The following CPEB1 variants were observed in gnomAD, a reference collection of about 807,000 sequenced individuals.
CPEB1 encodes cytoplasmic polyadenylation element binding protein 1, also known as cytoplasmic polyadenylation element-binding protein 1.
In CPEB1, 7 loss-of-function variants were observed where a neutral mutation model predicts 65.8. That is an observed-to-expected ratio of 0.11 (90% CI 0.06 to 0.20). The LOEUF (loss-of-function observed/expected upper bound fraction) is 0.20. CPEB1 is among the 10% of genes least tolerant of loss of function. The pLI is 1.00. For synonymous variants in CPEB1, 262 were observed against 260.0 expected (o/e 1.01, Z -0.08); for missense variants, 551 against 712.2 (o/e 0.77, Z 2.58).
chr15:82,583,330 T>G (rs977229630), intron 3 of CPEB1: 7 of 152,244 alleles, frequency 4.6e-5, no homozygotes, highest in Non-Finnish European at 8.8e-5. Flanking sequence ...CTAGTTTTAG[T>G]AAAACTAGTA....
At chr15:82,636,724 G>C (rs72751677) in intron 1 of CPEB1, among the ~76,000 whole-genome samples, 3 of 152,056 alleles carry the variant, frequency 2.0e-5, no homozygotes, top group Admixed American at 6.6e-5. Context: ...CACTGCCCCA[G>C]AATAGTATCT....
chr15:82,645,515 A>G (rs1293699055), intron 1 of CPEB1, among the ~76,000 whole-genome samples: 3 of 151,982 alleles, frequency 2.0e-5, no homozygotes, highest in African/African-American at 7.2e-5. Context: ...TCCTACTTCT[A>G]TAAACTGAGC....
At chr15:82,558,069 A>G (rs559610037) in intron 4 of CPEB1, 83 bp from the exon 5 acceptor site, 7 of 910,360 alleles carry the variant, frequency 7.7e-6, no homozygotes, top group African/African-American at 5.0e-5. Flanking sequence ...CAGCCACCCA[A>G]CAAGAGATAC....
intron 4 of CPEB1, among the ~76,000 whole-genome samples, chr15:82,565,630 A>G (rs968883222): frequency 2.6e-5 from 4 of 152,222 alleles, no homozygotes; most frequent in African/African-American, 9.6e-5. Flanking sequence ...ACACAACTTC[A>G]TAATTCCAAA....
intron 1 of CPEB1, among the ~76,000 whole-genome samples, chr15:82,642,868 C>T (rs1235093844): frequency 6.6e-6 from 1 of 152,186 alleles, no homozygotes; most frequent in East Asian, 1.9e-4. Context: ...ATACTAGCTA[C>T]TAAAAACAGT....
intron 1 of CPEB1, among the ~76,000 whole-genome samples, chr15:82,636,980 CAAT>C (rs2046715055): frequency 6.6e-6 from 1 of 152,132 alleles, no homozygotes; most frequent in Non-Finnish European, 1.5e-5. Flanking sequence ...CATTCTTCAT[CAAT>C]AAAAAAACAA....
intron 1 of CPEB1, among the ~76,000 whole-genome samples, chr15:82,634,197 T>TC (rs397785340): frequency 2.4e-4 from 36 of 151,792 alleles, no homozygotes; most frequent in African/African-American, 7.2e-4. Context: ...TTTTTTTTTT[T>TC]CCATCTATGG....
rs1002583732 is a variant in CPEB1 at position 82,606,662 on chromosome 15, C to A, written c.271+20531G>T. Among the ~76,000 whole-genome samples the A allele has an allele frequency of 1.2e-3, 122 of 99,428 alleles. 31 individuals are homozygous for A. The highest frequency in any genetic ancestry group is 4.5e-3 in the African/African-American group (106 of 23,358). 65.2% of individuals were successfully genotyped at this position (99,428 alleles called of 152,430 possible). ...TGAAACCCCGTCTCTACTAAAAATA[C>A]AAAAAATTAGCCGGGCGTAGTGGCG... On this transcript the variant is annotated intron_variant, in intron 3 of 12. Coordinates refer to ENST00000684509, the MANE Select transcript of CPEB1 (RefSeq NM_001365242.1).
At chr15:82,567,248 C>G (rs1567185354) in intron 4 of CPEB1, among the ~76,000 whole-genome samples, 1 of 152,160 alleles carries the variant, frequency 6.6e-6, no homozygotes, top group Admixed American at 6.5e-5. Context: ...AGACTCCCCA[C>G]TCATCTTAGG....
chr15:82,578,235 C>T (rs931641377), intron 3 of CPEB1, among the ~76,000 whole-genome samples: 19 of 152,300 alleles, frequency 1.2e-4, no homozygotes, highest in Non-Finnish European at 7.4e-5. Flanking sequence ...CTAGGTAAAA[C>T]GTCTTTTCAC....
intron 3 of CPEB1, among the ~76,000 whole-genome samples, chr15:82,615,442 G>C (rs1421368567): frequency 2.0e-5 from 3 of 152,144 alleles, no homozygotes; most frequent in African/African-American, 7.2e-5. Context: ...CTATGTAGCA[G>C]AAGAGCATTC....
intron 3 of CPEB1, among the ~76,000 whole-genome samples, chr15:82,579,828 C>T (rs1295520566): frequency 7.2e-6 from 1 of 139,030 alleles, no homozygotes; most frequent in African/African-American, 2.7e-5. Flanking sequence ...AGGAGAATGG[C>T]GTGAACCCGG....
intron 1 of CPEB1, among the ~76,000 whole-genome samples, chr15:82,636,054 CT>C (rs572625158): frequency 7.9e-5 from 12 of 152,294 alleles, no homozygotes; most frequent in Admixed American, 3.9e-4. Flanking sequence ...CATCACCTGA[CT>C]TTCCTCTCTT....
chr15:82,546,623 G>A, intron 11 of CPEB1, 102 bp from the exon 12 acceptor site: 1 of 842,152 alleles, frequency 1.2e-6, no homozygotes, highest in Non-Finnish European at 2.0e-6. Context: ...AGGAATGCGG[G>A]ATATTGGAAT....
rs550645620 is a variant in CPEB1 at position 82,618,560 on chromosome 15, T to C, written c.271+8633A>G. On this transcript the variant is annotated intron_variant, in intron 3 of 12. Coordinates refer to ENST00000684509, the MANE Select transcript of CPEB1 (RefSeq NM_001365242.1). Reference sequence around the variant, plus strand: ...CAATAAAACTCACATCTCAAAACTATAGACTATTTGGGAGACAGGTTACCT... The same window carrying C: ...CAATAAAACTCACATCTCAAAACTACAGACTATTTGGGAGACAGGTTACCT... Among the ~76,000 whole-genome samples, 6 of 152,226 alleles carry C rather than the reference T, an allele frequency of 3.9e-5. No individual in the cohort carries two copies. The East Asian group carries it at 9.7e-4, about 25-fold the overall frequency.
intron 3 of CPEB1, among the ~76,000 whole-genome samples, chr15:82,599,685 A>G (rs1224598135): frequency 2.0e-5 from 3 of 152,200 alleles, no homozygotes; most frequent in African/African-American, 7.2e-5. Context: ...AAAGAAGTCA[A>G]TGTTCAAAAC....
intron 12 of CPEB1, among the ~76,000 whole-genome samples, chr15:82,545,315 A>T (rs1470617484): frequency 6.6e-6 from 1 of 152,202 alleles, no homozygotes; most frequent in Non-Finnish European, 1.5e-5. Context: ...ATTCAAACTT[A>T]ACTTCAAACT....
intron 9 of CPEB1, among the ~76,000 whole-genome samples, chr15:82,550,111 TG>T (rs2035988319): frequency 6.6e-6 from 1 of 152,152 alleles, no homozygotes; most frequent in African/African-American, 2.4e-5. Context: ...TTACGATATT[TG>T]TATGAGATGG....
chr15:82,623,879 T>A (rs1435594557), intron 3 of CPEB1, among the ~76,000 whole-genome samples: 1 of 152,168 alleles, frequency 6.6e-6, no homozygotes, highest in Admixed American at 6.5e-5. Flanking sequence ...CTATAAACAT[T>A]ATATTTTATG....
Sources: gnomAD v4.1 joint callset for allele counts (sites outside exome capture counted in the v4.1 genomes callset) on GRCh38, gnomAD v4.1.1 for gene constraint, MANE v1.5 for transcripts, NCBI Gene and HGNC (gene_info 2026-07-23, HGNC 2026-07-21) for gene names.